Variants in ST14 observed in about 807,000 individuals in gnomAD.
ST14 encodes ST14 transmembrane serine protease matriptase.
ST14 carries 40 observed loss-of-function variants against 96.5 expected under a neutral mutation model. The observed-to-expected ratio is 0.41, with a 90% CI of 0.32 to 0.54. The LOEUF is 0.54. Among genes scored for constraint, ST14 ranks in the 20% least tolerant of loss-of-function variants. The pLI is 0.17. For synonymous variants in ST14, 506 were observed against 492.1 expected (o/e 1.03, Z -0.37); for missense variants, 1,066 against 1,188.9 (o/e 0.90, Z 1.52).
Position 130,198,614 on chromosome 11 carries a change from C to T in ST14, c.1677C>T (p.Cys559=). The change falls in exon 14 of 19, where the codon TGC becomes TGT. Residue 559 remains cysteine, a synonymous_variant. Transcript: ENST00000278742. ...DCGDGSDEAS[C]PKVNVVTCTK... is the part of the protein sequence containing the mutation. ...GGGACGGGTCCGACGAGGCCTCCTG[C>T]CCCAAGGGTGAGGCCCGCCCCACCC... 6.2e-7 allele frequency: 1 copy of T among 1,613,446 alleles called. No homozygotes were observed. The highest frequency in any genetic ancestry group is 1.1e-5 in the South Asian group (1 of 91,056).
At chr11:130,190,795 C>CT in intron 7 of ST14, 101 bp downstream of exon 7, 3 of 1,399,764 alleles carry the variant, frequency 2.1e-6, no homozygotes, top group Non-Finnish European at 2.8e-6. Flanking sequence ...GACTCTTGGC[C>CT]GCAGGCCACT....
intron 16 of ST14, among the ~76,000 whole-genome samples, chr11:130,207,379 C>T (rs1257586532): frequency 1.3e-5 from 2 of 152,098 alleles, no homozygotes; most frequent in African/African-American, 2.4e-5. Flanking sequence ...GGCGAAACCC[C>T]GTTTCCACTA....
In ST14 at chr11:130,208,691, T is replaced by C. The variant is rs747928271; in HGVS notation, c.2269+7T>C. The C allele has an allele frequency of 2.0e-5, 32 of 1,611,424 alleles. No homozygotes were observed. The highest frequency in any genetic ancestry group is 2.7e-5 in the Non-Finnish European group (32 of 1,178,562). On this transcript the variant is annotated splice_region_variant and intron_variant, in intron 17 of 18. Transcript: ENST00000278742. The stretch of plus-strand genomic sequence containing the variant: ...GGACACACCCAGTATGGAGGTAAGC[T>C]TCGGGCTGACCTAGGGCTCCGCAGA...
intron 1 of ST14, among the ~76,000 whole-genome samples, chr11:130,173,953 G>A (rs1953115311): frequency 6.6e-6 from 1 of 152,212 alleles, no homozygotes; most frequent in Non-Finnish European, 1.5e-5. Context: ...TACACATAAA[G>A]CTTCTGGTAG....
chr11:130,186,397 G>A (rs1953238371), intron 1 of ST14, among the ~76,000 whole-genome samples: 1 of 152,176 alleles, frequency 6.6e-6, no homozygotes, highest in Non-Finnish European at 1.5e-5. Flanking sequence ...AAAATCCCAG[G>A]GCAATGGTGA....
chr11:130,194,862 GTGTGTGTGTGTGTGCGTA>G lies in ST14; in HGVS notation c.1113+138_1113+155del, dbSNP rs2136215429. The G allele has an allele frequency of 4.5e-6, 3 of 663,636 alleles. No homozygotes were observed. In the South Asian group the frequency reaches 7.1e-5, roughly 16 times the overall value. The allele number at this position is 663,636 out of a possible 1,614,324, so 41.1% of individuals were successfully genotyped here. On this transcript the variant is annotated intron_variant, in intron 9 of 18. Transcript: ENST00000278742. ...TTTGCATATGTGTGCATGTGTGTGTGTGTGTGTGTGTGTGCGTATGTGTGTGTGTGAGACAGAGGTGGA... is the reference window on the plus strand; with the variant it reads ...TTTGCATATGTGTGCATGTGTGTGTGTGTGTGTGTGTGAGACAGAGGTGGA...
At chr11:130,202,548 G>A (rs1480311961) in intron 16 of ST14, among the ~76,000 whole-genome samples, 14 of 152,234 alleles carry the variant, frequency 9.2e-5, no homozygotes, top group Non-Finnish European at 1.3e-4. Flanking sequence ...GAAGGTGAGG[G>A]TGTCTGTCAG....
chr11:130,177,512 G>A (rs898805823), intron 1 of ST14, among the ~76,000 whole-genome samples: 5 of 152,140 alleles, frequency 3.3e-5, no homozygotes, highest in African/African-American at 9.7e-5. Flanking sequence ...GTGGTGAGCC[G>A]ATATGGCGCC....
chr11:130,161,786 C>T (rs1241726018), intron 1 of ST14, among the ~76,000 whole-genome samples: 1 of 152,218 alleles, frequency 6.6e-6, no homozygotes, highest in Non-Finnish European at 1.5e-5. Context: ...TGAACTAACT[C>T]AGTACCTAGT....
rs1186022073 is a variant in ST14 at position 130,180,875 on chromosome 11, T to C, written c.82-7239T>C. Among the ~76,000 whole-genome samples the C allele has an allele frequency of 2.0e-5, 3 of 152,228 alleles. 1 individual carries two copies. In the South Asian group the frequency reaches 6.2e-4, roughly 31 times the overall value. On this transcript the variant is annotated intron_variant, in intron 1 of 18. Transcript: ENST00000278742. ...GGAGAGCCCGGCCTTGGGGAGGATATGCATCAGTTGCTCTAGTGTGCCTCA... is the reference window on the plus strand; with the variant it reads ...GGAGAGCCCGGCCTTGGGGAGGATACGCATCAGTTGCTCTAGTGTGCCTCA...
chr11:130,173,171 G>T (rs942580984), intron 1 of ST14, among the ~76,000 whole-genome samples: 1 of 152,168 alleles, frequency 6.6e-6, no homozygotes, highest in Non-Finnish European at 1.5e-5. Context: ...TCCTGCTAAT[G>T]ACTGAGGCCT....
At chr11:130,177,712 C>A (rs1189401553) in intron 1 of ST14, among the ~76,000 whole-genome samples, 1 of 152,224 alleles carries the variant, frequency 6.6e-6, no homozygotes, top group Admixed American at 6.5e-5. Context: ...GGGTAAAGAA[C>A]CTCATCACCT....
chr11:130,187,579 G>T lies in ST14; in HGVS notation c.82-535G>T, dbSNP rs1024387456. Among the ~76,000 whole-genome samples the T allele has an allele frequency of 3.3e-5, 5 of 152,164 alleles. No homozygotes were observed. Among genetic ancestry groups the T allele is most frequent in the African/African-American group, 9.7e-5 (4 of 41,432 alleles). On this transcript the variant is annotated intron_variant, in intron 1 of 18. Coordinates refer to ENST00000278742, the MANE Select transcript of ST14 (RefSeq NM_021978.4). This position sits in a 1 kb window ranked among gnomAD's most constrained non-coding sequence, Gnocchi z 4.5. ...GGTTCACCATTGGCAGGGCAAGGCC[G>T]CTGGGTAGGGTGTGCAGTTGAGTGC...
At position 130,194,235 on chromosome 11, in the gene ST14, A is replaced by T. The variant is rs910697501; in HGVS notation, c.962A>T (p.Glu321Val). The T allele has an allele frequency of 6.2e-7, 1 of 1,614,052 alleles. No individual in the cohort carries two copies. The highest frequency in any genetic ancestry group is 1.7e-5 in the Admixed American group (1 of 60,008). The change falls in exon 8 of 19, where the codon GAG (glutamate) becomes GTG (valine). Residue 321 changes from glutamate (E) to valine (V), a missense_variant. By Grantham distance (121) the Glu-to-Val change is moderately radical. Coordinates refer to ENST00000278742, the MANE Select transcript of ST14 (RefSeq NM_021978.4). ...CTCATCACACTGATAACCAACACTG[A>T]GCGGCGGCATCCCGGCTTTGAGGCC... ...VLLITLITNT[E>V]RRHPGFEATF...
At chr11:130,172,039 G>C (rs1953096575) in intron 1 of ST14, among the ~76,000 whole-genome samples, 1 of 152,182 alleles carries the variant, frequency 6.6e-6, no homozygotes, top group Non-Finnish European at 1.5e-5. Flanking sequence ...GTGACAGCAA[G>C]ATAGTGTCAA....
intron 1 of ST14, among the ~76,000 whole-genome samples, chr11:130,175,452 T>C (rs1350367995): frequency 6.6e-6 from 1 of 152,172 alleles, no homozygotes; most frequent in East Asian, 1.9e-4. Flanking sequence ...CAATCTCGGC[T>C]CATCCCAACC....
At chr11:130,180,830 G>GT (rs1220146783) in intron 1 of ST14, among the ~76,000 whole-genome samples, 7 of 152,090 alleles carry the variant, frequency 4.6e-5, no homozygotes, top group Middle Eastern at 3.4e-3. Context: ...AGAAATCAGT[G>GT]TTTTTTTTCT....
chr11:130,188,025 G>C lies in ST14; in HGVS notation c.82-89G>C. 1.3e-6 allele frequency: 2 copies of C among 1,549,642 alleles called. No homozygotes were observed. The highest frequency in any genetic ancestry group is 2.4e-5 in the South Asian group (2 of 85,100). ...AGCCCCTGCTTTCTTCTCCAAGCTG[G>C]ACCTCACAAAATGTGAACATCTTCC... On this transcript the variant is annotated intron_variant, in intron 1 of 18. Coordinates refer to ENST00000278742, the MANE Select transcript of ST14 (RefSeq NM_021978.4). This position sits in a 1 kb window ranked among gnomAD's most constrained non-coding sequence, Gnocchi z 5.4.
At chr11:130,190,255 T>C (rs1953283028) in intron 6 of ST14, 107 bp downstream of exon 6, 6 of 1,511,564 alleles carry the variant, frequency 4.0e-6, no homozygotes, top group Admixed American at 3.4e-5. Context: ...GAATGAAGTA[T>C]ATTATGACGA....
Sources: allele counts gnomAD v4.1 joint callset (sites outside exome capture counted in the v4.1 genomes callset), GRCh38; gene constraint gnomAD v4.1.1; non-coding constraint Gnocchi (gnomAD v3.1); transcripts MANE v1.5; gene names NCBI Gene and HGNC (gene_info 2026-07-23, HGNC 2026-07-21).